AKAP19: variants seen among roughly 807,000 people sequenced by gnomAD.
The protein encoded by AKAP19 is small A-kinase anchoring protein.
At chr2:190,085,846 A>G in the AKAP19 span, among the ~76,000 whole-genome samples, 6,501 of 152,282 alleles carry the variant, frequency 0.043, 346 homozygotes, top group African/African-American at 0.13. Context: ...TAACTGGTGC[A>G]ATAAAATATT....
the AKAP19 span, among the ~76,000 whole-genome samples, chr2:189,971,456 G>A: frequency 4.3e-3 from 649 of 152,264 alleles, 7 homozygotes; most frequent in African/African-American, 0.015. Flanking sequence ...GCGTGCATGT[G>A]TCTTTATAGC....
chr2:190,118,683 A>G, the AKAP19 span, among the ~76,000 whole-genome samples: 1 of 152,094 alleles, frequency 6.6e-6, no homozygotes, highest in African/African-American at 2.4e-5. Flanking sequence ...CATGCTAAAA[A>G]CTCTCAATAA....
chr2:190,151,827 T>A, the AKAP19 span, among the ~76,000 whole-genome samples: 1 of 150,726 alleles, frequency 6.6e-6, no homozygotes, highest in Non-Finnish European at 1.5e-5. Flanking sequence ...CATAGTGACA[T>A]CTTATCTCTA....
the AKAP19 span, among the ~76,000 whole-genome samples, chr2:190,156,723 A>G: frequency 6.6e-6 from 1 of 152,340 alleles, no homozygotes; most frequent in Non-Finnish European, 1.5e-5. Context: ...ATCATGTCAT[A>G]GCCATTAGAC....
At chr2:190,201,267 TACAC>T in the AKAP19 span, 1 of 166,890 alleles carries the variant, frequency 6.0e-6, no homozygotes, top group Non-Finnish European at 1.5e-5. Flanking sequence ...TCACAGCACA[TACAC>T]ACACACCTTT....
At chr2:189,937,191 GA>G in the AKAP19 span, among the ~76,000 whole-genome samples, 1 of 152,134 alleles carries the variant, frequency 6.6e-6, no homozygotes, top group Non-Finnish European at 1.5e-5. Context: ...ACAGAAAGCT[GA>G]TGATGGTTAT....
the AKAP19 span, among the ~76,000 whole-genome samples, chr2:190,157,940 C>A: frequency 4.6e-5 from 7 of 152,332 alleles, no homozygotes; most frequent in African/African-American, 1.7e-4. Context: ...AGACAGGCAG[C>A]CCGGCGCCAG....
the AKAP19 span, chr2:189,930,380 GT>G: frequency 5.1e-6 from 2 of 394,784 alleles, no homozygotes; most frequent in Non-Finnish European, 9.2e-6. Context: ...TACATGCACG[GT>G]AGAAATTGAA....
At chr2:189,964,271 T>A in the AKAP19 span, among the ~76,000 whole-genome samples, 14 of 152,150 alleles carry the variant, frequency 9.2e-5, no homozygotes, top group South Asian at 4.1e-4. Context: ...AACAGTGGGC[T>A]TAAAATATTC....
At chr2:189,950,028 G>GTTTTTTTTTTTTTTTTTTTTTT in the AKAP19 span, among the ~76,000 whole-genome samples, 1 of 113,950 alleles carries the variant, frequency 8.8e-6, no homozygotes, top group Non-Finnish European at 1.7e-5. Context: ...TTGGTTTTGG[G>GTTTTTTTTTTTTTTTTTTTTTT]TTTTTTTTTT....
the AKAP19 span, among the ~76,000 whole-genome samples, chr2:190,130,026 TGTA>T: frequency 1.3e-5 from 2 of 152,206 alleles, no homozygotes; most frequent in South Asian, 4.1e-4. Context: ...GGCCTGAAGA[TGTA>T]GTATGTTACA....
chr2:190,054,899 C>G, the AKAP19 span, among the ~76,000 whole-genome samples: 1 of 152,150 alleles, frequency 6.6e-6, no homozygotes, highest in Non-Finnish European at 1.5e-5. Flanking sequence ...ACTAGTTCAA[C>G]CATTGTGGAA....
chr2:190,159,413 T>C, the AKAP19 span, among the ~76,000 whole-genome samples: 1 of 152,230 alleles, frequency 6.6e-6, no homozygotes, highest in Admixed American at 6.5e-5. Context: ...AAACATCTAC[T>C]CTCTGGTTAT....
At chr2:190,034,201 A>T in the AKAP19 span, among the ~76,000 whole-genome samples, 5 of 152,086 alleles carry the variant, frequency 3.3e-5, no homozygotes, top group Non-Finnish European at 7.4e-5. Flanking sequence ...AATACAGCTT[A>T]ATTCTTTTCA....
the AKAP19 span, among the ~76,000 whole-genome samples, chr2:190,160,953 G>A: frequency 1.3e-5 from 2 of 152,106 alleles, no homozygotes; most frequent in African/African-American, 4.8e-5. Flanking sequence ...AGAACGCTAA[G>A]TGTAACTTTA....
chr2:190,086,857 C>T, the AKAP19 span, among the ~76,000 whole-genome samples: 16,230 of 152,170 alleles, frequency 0.11, 2,579 homozygotes, highest in African/African-American at 0.35. Flanking sequence ...ATTGTCCCAG[C>T]GAATACAGTA....
the AKAP19 span, among the ~76,000 whole-genome samples, chr2:189,981,200 G>A: frequency 1.3e-5 from 2 of 150,748 alleles, no homozygotes; most frequent in African/African-American, 4.9e-5. Flanking sequence ...AATGTTGGGT[G>A]TATATTTATT....
the AKAP19 span, among the ~76,000 whole-genome samples, chr2:190,008,761 CACA>C: frequency 2.5e-5 from 3 of 121,858 alleles, no homozygotes; most frequent in African/African-American, 7.8e-5. Flanking sequence ...CACACACACA[CACA>C]CACACACCCA....
the AKAP19 span, among the ~76,000 whole-genome samples, chr2:190,122,979 A>C: frequency 6.6e-6 from 1 of 151,694 alleles, no homozygotes; most frequent in South Asian, 2.1e-4. Context: ...CTGGCTAATT[A>C]AAAAAATTTT....
Sources: gnomAD v4.1 joint callset for allele counts (sites outside exome capture counted in the v4.1 genomes callset) on GRCh38, gnomAD v4.1.1 for gene constraint, MANE v1.5 for transcripts, NCBI Gene and HGNC (gene_info 2026-07-23, HGNC 2026-07-21) for gene names.